IGF2BP2: variants seen among roughly 807,000 people sequenced by gnomAD.
IGF2BP2 encodes the protein insulin-like growth factor 2 mRNA-binding protein 2.
In IGF2BP2, 17 loss-of-function variants were observed where a neutral mutation model predicts 75.8. That is an observed-to-expected ratio of 0.22 (90% CI 0.15 to 0.34). The LOEUF (loss-of-function observed/expected upper bound fraction) is 0.34, where lower values mean the gene tolerates loss of function less well. Among genes scored for constraint, IGF2BP2 ranks in the 10% least tolerant of loss-of-function variants. The pLI is 1.00. For missense variants in IGF2BP2, 516 were observed against 772.4 expected (o/e 0.67, Z 3.93); for synonymous variants, 288 against 295.6 (o/e 0.97, Z 0.26).
rs1717325062 is a variant in IGF2BP2, at chr3:185,665,459, A to AG, written c.1201-7051dup. Among the ~76,000 whole-genome samples, 16 of 102,996 alleles carry AG rather than the reference A, an allele frequency of 1.6e-4. 2 individuals are homozygous for AG. The highest frequency in any genetic ancestry group is 3.8e-4 in the Admixed American group (4 of 10,506). 67.6% of individuals were successfully genotyped at this position (102,996 alleles called of 152,430 possible). A position where few individuals can be genotyped will look rare whatever the true frequency, so the allele number is the denominator to read the frequency against. On this transcript the variant is annotated intron_variant, in intron 10 of 15. Transcript: ENST00000382199. Reference sequence around the variant, plus strand: ...GAGGAGAAGGAGGAGGAGGAGGAGAAGAAGAAGAAGAAGAAGGAGAAGAAG... The same window carrying AG: ...GAGGAGAAGGAGGAGGAGGAGGAGAAGGAAGAAGAAGAAGAAGGAGAAGAAG...
chr3:185,809,845 T>G (rs1739559989), intron 2 of IGF2BP2, among the ~76,000 whole-genome samples: 2 of 152,188 alleles, frequency 1.3e-5, no homozygotes, highest in South Asian at 4.1e-4. Context: ...AAATATTTCA[T>G]GAACAGCCAT....
At chr3:185,801,194 A>G (rs1738207258) in intron 2 of IGF2BP2, among the ~76,000 whole-genome samples, 1 of 152,234 alleles carries the variant, frequency 6.6e-6, no homozygotes, top group African/African-American at 2.4e-5. Context: ...GCGATTATTA[A>G]AAAGTCAGGA....
rs1713325143 is a variant in IGF2BP2, at chr3:185,645,341, C to T, written c.*190G>A. The T allele has an allele frequency of 1.7e-6, 1 of 572,884 alleles. No homozygotes were observed. Among genetic ancestry groups the T allele is most frequent in the Non-Finnish European group, 3.1e-6 (1 of 320,068 alleles). 35.5% of individuals were successfully genotyped at this position (572,884 alleles called of 1,614,324 possible). On this transcript the variant is annotated 3_prime_UTR_variant, in exon 16 of 16. Transcript: ENST00000382199. This position sits in a 1 kb window ranked among gnomAD's most constrained non-coding sequence, Gnocchi z 4.9. ...CGGTGGTTCTGGCAAACCTGGCTGA[C>T]CTTCCCCGCCCCTCCTCGGCCCCTG... is the stretch of plus-strand genomic sequence containing the variant.
At chr3:185,713,115 ATGTG>A (rs144339025) in intron 2 of IGF2BP2, 23 of 278,222 alleles carry the variant, frequency 8.3e-5, no homozygotes, top group Middle Eastern at 1.3e-3. Context: ...AGAGACATAT[ATGTG>A]TGTGTGTGTG....
At chr3:185,715,308 T>A (rs1364053295) in intron 2 of IGF2BP2, among the ~76,000 whole-genome samples, 6 of 152,182 alleles carry the variant, frequency 3.9e-5, no homozygotes, top group African/African-American at 7.2e-5. Context: ...GAGAGCAGGC[T>A]GGACAGGCTG....
intron 4 of IGF2BP2, among the ~76,000 whole-genome samples, chr3:185,694,113 C>CATGT (rs1247606971): frequency 4.6e-5 from 7 of 152,196 alleles, no homozygotes; most frequent in Admixed American, 2.0e-4. Flanking sequence ...CTGAGAATTA[C>CATGT]ATGTAATAAA....
chr3:185,698,444 TCTCA>T (rs1249182208), intron 2 of IGF2BP2, 97 bp from the exon 3 acceptor site: 6 of 1,110,846 alleles, frequency 5.4e-6, no homozygotes, highest in Non-Finnish European at 4.1e-6. Context: ...GAATTTGTTT[TCTCA>T]CTGTGTTCAC....
intron 4 of IGF2BP2, among the ~76,000 whole-genome samples, chr3:185,694,080 G>C (rs1343594611): frequency 3.9e-5 from 6 of 152,190 alleles, no homozygotes; most frequent in Non-Finnish European, 8.8e-5. Context: ...GGAGTTGTAT[G>C]TAATGCTCAG....
At chr3:185,779,000 C>T (rs76452035) in intron 2 of IGF2BP2, among the ~76,000 whole-genome samples, 3,912 of 152,090 alleles carry the variant, frequency 0.026, 91 homozygotes, top group South Asian at 0.055. Flanking sequence ...GTGTATGCCG[C>T]TCTATGGCAT....
In IGF2BP2 at chr3:185,672,559, G is replaced by T; in HGVS notation, c.1182C>A (p.Ala394=). 1 of 1,612,878 alleles carries T rather than the reference G, an allele frequency of 6.2e-7. No homozygotes were observed. Among genetic ancestry groups the T allele is most frequent in the Non-Finnish European group, 8.5e-7 (1 of 1,179,478 alleles). Reference sequence around the variant, plus strand: ...TACTTACAGTGAAGGGGTGGTAGGGGGCAGCGGGGGGAGCTCCGCGGGGCC... The same window carrying T: ...TACTTACAGTGAAGGGGTGGTAGGGTGCAGCGGGGGGAGCTCCGCGGGGCC... ...PAGPRGAPPA[A]PYHPFTTHSG... is the part of the protein sequence containing the mutation. Residue 394 remains alanine, a synonymous_variant, in exon 10 of 16, where the codon GCC becomes GCA. Coordinates refer to ENST00000382199, the MANE Select transcript of IGF2BP2 (RefSeq NM_006548.6).
At chr3:185,824,041 C>G (rs1286943037) in intron 1 of IGF2BP2, among the ~76,000 whole-genome samples, 1 of 151,936 alleles carries the variant, frequency 6.6e-6, no homozygotes, top group Non-Finnish European at 1.5e-5. Flanking sequence ...GGAAAGCCCC[C>G]AGCCCCGAGT....
intron 1 of IGF2BP2, among the ~76,000 whole-genome samples, chr3:185,823,858 C>A (rs1477534816): frequency 6.6e-6 from 1 of 151,506 alleles, no homozygotes; most frequent in Admixed American, 6.6e-5. Context: ...GGGGAGTGCG[C>A]GCGCGCGAGT....
chr3:185,747,173 A>G (rs976057546), intron 2 of IGF2BP2, among the ~76,000 whole-genome samples: 28 of 152,222 alleles, frequency 1.8e-4, no homozygotes, highest in African/African-American at 6.0e-4. Context: ...ATCCACTTTC[A>G]GCTTCTAACT....
At chr3:185,660,354 G>C (rs1025944966) in intron 10 of IGF2BP2, among the ~76,000 whole-genome samples, 1 of 152,220 alleles carries the variant, frequency 6.6e-6, no homozygotes, top group Non-Finnish European at 1.5e-5. Flanking sequence ...AAATCTCACA[G>C]TGACAGGCAA....
intron 2 of IGF2BP2, among the ~76,000 whole-genome samples, chr3:185,755,051 G>A (rs946242343): frequency 6.6e-6 from 1 of 152,188 alleles, no homozygotes; most frequent in African/African-American, 2.4e-5. Flanking sequence ...GACTAAAAGG[G>A]AGCCAAGTGC....
At chr3:185,763,300 G>A (rs1732624233) in intron 2 of IGF2BP2, among the ~76,000 whole-genome samples, 1 of 152,046 alleles carries the variant, frequency 6.6e-6, no homozygotes, top group Non-Finnish European at 1.5e-5. Context: ...CTCTCTTCAA[G>A]GCTGAATCTC....
chr3:185,823,779 G>A (rs964638364), intron 1 of IGF2BP2, among the ~76,000 whole-genome samples: 6 of 152,020 alleles, frequency 3.9e-5, no homozygotes, highest in Non-Finnish European at 7.4e-5. Flanking sequence ...CCGGGCCGGG[G>A]TTCGGGGGGC....
At chr3:185,688,082 T>C (rs1266830882) in intron 6 of IGF2BP2, among the ~76,000 whole-genome samples, 1 of 152,200 alleles carries the variant, frequency 6.6e-6, no homozygotes. Flanking sequence ...ACTTCTAAGA[T>C]GTGGCACTCC....
At chr3:185,761,620 G>A (rs1412998227) in intron 2 of IGF2BP2, among the ~76,000 whole-genome samples, 1 of 152,172 alleles carries the variant, frequency 6.6e-6, no homozygotes, top group African/African-American at 2.4e-5. Context: ...CTCCAGGAAA[G>A]ACCTCACAGG....
Sources: allele counts gnomAD v4.1 joint callset (sites outside exome capture counted in the v4.1 genomes callset), GRCh38; gene constraint gnomAD v4.1.1; non-coding constraint Gnocchi (gnomAD v3.1); transcripts MANE v1.5; gene names NCBI Gene and HGNC (gene_info 2026-07-23, HGNC 2026-07-21).